Variants in FMNL2 observed in about 807,000 individuals in gnomAD.
The protein encoded by FMNL2 is formin-like protein 2.
Under a neutral mutation model 130.2 loss-of-function variants are expected in FMNL2, and 51 were observed. The observed-to-expected ratio is 0.39, with a 90% CI of 0.31 to 0.49. The LOEUF (loss-of-function observed/expected upper bound fraction) is 0.49. FMNL2 is among the 20% of genes least tolerant of loss of function. FMNL2 has a pLI of 0.85. For missense variants in FMNL2, 977 were observed against 1,316.2 expected, an observed-to-expected ratio of 0.74 and a Z score of 3.99; for synonymous variants, 465 against 467.1, an observed-to-expected ratio of 1.00 and a Z score of 0.06.
intron 6 of FMNL2, among the ~76,000 whole-genome samples, chr2:152,571,432 G>T (rs957211780): frequency 7.2e-5 from 11 of 152,194 alleles, no homozygotes; most frequent in African/African-American, 2.7e-4. Context: ...AGCTTTTAAA[G>T]TATACCACAG....
At chr2:152,404,584 G>A (rs768087187) in intron 1 of FMNL2, among the ~76,000 whole-genome samples, 38 of 152,118 alleles carry the variant, frequency 2.5e-4, no homozygotes, top group Non-Finnish European at 5.0e-4. Context: ...ATGTAGGTAA[G>A]GGATTCAGAA....
chr2:152,414,459 T>G (rs1239044813), intron 1 of FMNL2, among the ~76,000 whole-genome samples: 1 of 152,166 alleles, frequency 6.6e-6, no homozygotes, highest in African/African-American at 2.4e-5. Context: ...CATGTGTTAG[T>G]CAGAAGGGGA....
intron 12 of FMNL2, 48 bp downstream of exon 12, chr2:152,615,048 G>A: frequency 6.3e-7 from 1 of 1,593,738 alleles, no homozygotes. Context: ...TCAGCTGGTT[G>A]CAAAGCAGAA....
At chr2:152,642,981 C>T (rs1234243172) in intron 25 of FMNL2, among the ~76,000 whole-genome samples, 1 of 151,360 alleles carries the variant, frequency 6.6e-6, no homozygotes, top group Non-Finnish European at 1.5e-5. Flanking sequence ...TGCACTCCAG[C>T]CTGGGCAATA....
intron 1 of FMNL2, among the ~76,000 whole-genome samples, chr2:152,375,746 G>T (rs1010574112): frequency 6.6e-6 from 1 of 151,412 alleles, no homozygotes; most frequent in Non-Finnish European, 1.5e-5. Context: ...ATGGACAGTT[G>T]TATCCTCCTG....
chr2:152,382,787 C>A (rs1364004144), intron 1 of FMNL2, among the ~76,000 whole-genome samples: 1 of 152,010 alleles, frequency 6.6e-6, no homozygotes, highest in Non-Finnish European at 1.5e-5. Context: ...GTCAGTCATA[C>A]CTCAATAAAG....
intron 1 of FMNL2, among the ~76,000 whole-genome samples, chr2:152,436,640 A>G (rs1687783199): frequency 6.6e-6 from 1 of 152,140 alleles, no homozygotes; most frequent in Admixed American, 6.5e-5. Context: ...CCTATGAAAA[A>G]GAGAGGATGA....
intron 1 of FMNL2, among the ~76,000 whole-genome samples, chr2:152,514,559 A>T (rs998278407): frequency 1.3e-5 from 2 of 152,064 alleles, no homozygotes; most frequent in Admixed American, 1.3e-4. Flanking sequence ...TCCGTGGGGG[A>T]TACTTGTCAA....
In FMNL2 at chr2:152,335,675, G is replaced by T. The variant is rs1399580598; in HGVS notation, c.72G>T (p.Pro24=). 2 of 1,592,776 alleles carry T rather than the reference G, an allele frequency of 1.3e-6. No individual in the cohort carries two copies. The highest frequency in any genetic ancestry group is 1.7e-6 in the Non-Finnish European group (2 of 1,169,622). ...FRAHNVPLKL[P]MPEPGELEER... ...CGCACAACGTGCCTTTGAAGCTGCC[G>T]ATGCCAGAGCCAGGTGAACTGGAGG... The change falls in exon 1 of 26, where the codon CCG becomes CCT. Residue 24 remains proline, a synonymous_variant. Coordinates refer to ENST00000288670, the MANE Select transcript of FMNL2 (RefSeq NM_052905.4).
In FMNL2 at chr2:152,541,007, T is replaced by C. The variant is rs184198449; in HGVS notation, c.202-1732T>C. Among the ~76,000 whole-genome samples, 29 of 152,346 alleles carry C rather than the reference T, an allele frequency of 1.9e-4. 1 individual carries two copies. Among genetic ancestry groups the C allele is most frequent in the African/African-American group, 6.3e-4 (26 of 41,590 alleles). On this transcript the variant is annotated intron_variant, in intron 2 of 25. Transcript: ENST00000288670. ...TATGGGATAAACAAATGCATGCACATGCTGGCCAATTGTCAGAGTGAAATA... is the reference window on the plus strand; with the variant it reads ...TATGGGATAAACAAATGCATGCACACGCTGGCCAATTGTCAGAGTGAAATA...
At chr2:152,350,616 A>G (rs6433985) in intron 1 of FMNL2, among the ~76,000 whole-genome samples, 148,889 of 152,300 alleles carry the variant, frequency 0.98, 72,866 homozygotes, top group East Asian at 1. Context: ...TTGACCTGGG[A>G]CAGGCAAGGT....
chr2:152,629,987 T>C, intron 20 of FMNL2, 82 bp downstream of exon 20: 1 of 1,292,458 alleles, frequency 7.7e-7, no homozygotes, highest in Non-Finnish European at 1.1e-6. Context: ...GGAGGATGTT[T>C]TGATGAATAT....
intron 1 of FMNL2, among the ~76,000 whole-genome samples, chr2:152,408,247 T>A (rs190241989): frequency 3.7e-3 from 570 of 152,116 alleles, no homozygotes; most frequent in African/African-American, 7.0e-3. Flanking sequence ...AGAACTTTTT[T>A]AAAAAAAACA....
chr2:152,575,039 G>T, intron 6 of FMNL2, 97 bp from the exon 7 acceptor site: 1 of 647,586 alleles, frequency 1.5e-6, no homozygotes, highest in Non-Finnish European at 2.6e-6. Flanking sequence ...TACAATCCTT[G>T]TTTTGGTACT....
chr2:152,609,619 A>G (rs1328243434), intron 10 of FMNL2, among the ~76,000 whole-genome samples: 3 of 152,176 alleles, frequency 2.0e-5, no homozygotes, highest in African/African-American at 7.2e-5. Context: ...TCATTTAGTG[A>G]TAGAACCCGA....
rs369853170 is a variant in FMNL2, at chr2:152,487,025, A to G, written c.118-34918A>G. Among the ~76,000 whole-genome samples, 14 of 152,334 alleles carry G rather than the reference A, an allele frequency of 9.2e-5. No homozygotes were observed. In the East Asian group the frequency reaches 2.1e-3, roughly 23 times the overall value. On this transcript the variant is annotated intron_variant, in intron 1 of 25. Coordinates refer to ENST00000288670, the MANE Select transcript of FMNL2 (RefSeq NM_052905.4). ...GGCTCTTTTGCATAATCCAGACAAT[A>G]TATGGATCCCACAAATATTTATTGA... is the stretch of plus-strand genomic sequence containing the variant.
At chr2:152,434,111 T>A (rs965242166) in intron 1 of FMNL2, among the ~76,000 whole-genome samples, 1 of 152,154 alleles carries the variant, frequency 6.6e-6, no homozygotes, top group Admixed American at 6.5e-5. Flanking sequence ...TCCATTGAAT[T>A]TTTTTAGAAG....
chr2:152,568,789 C>G (rs1696005673), intron 6 of FMNL2, among the ~76,000 whole-genome samples: 1 of 152,144 alleles, frequency 6.6e-6, no homozygotes, highest in Non-Finnish European at 1.5e-5. Flanking sequence ...TAACCACCCC[C>G]AGATTCAATT....
At position 152,534,993 on chromosome 2, in the gene FMNL2, C is replaced by T. The variant is rs78072876; in HGVS notation, c.202-7746C>T. The stretch of plus-strand genomic sequence containing the variant: ...AACTATGGCTGTGGAATGAATCTGT[C>T]GTGCTGATTTTCAAGTCCAGTCTAG... On this transcript the variant is annotated intron_variant, in intron 2 of 25. Coordinates refer to ENST00000288670, the MANE Select transcript of FMNL2 (RefSeq NM_052905.4). Among the ~76,000 whole-genome samples, 900 of 152,158 alleles carry T rather than the reference C, an allele frequency of 5.9e-3. 10 individuals are homozygous for T. Among genetic ancestry groups the T allele is most frequent in the African/African-American group, 0.021 (872 of 41,514 alleles).
Sources: gnomAD v4.1 joint callset for allele counts (sites outside exome capture counted in the v4.1 genomes callset) on GRCh38, gnomAD v4.1.1 for gene constraint, MANE v1.5 for transcripts, NCBI Gene and HGNC (gene_info 2026-07-23, HGNC 2026-07-21) for gene names.